CDK12: variants seen among roughly 807,000 people sequenced by gnomAD.
The protein encoded by CDK12 is cyclin dependent kinase 12.
Under a neutral mutation model 133.8 loss-of-function variants are expected in CDK12, and 17 were observed. That is an observed-to-expected ratio of 0.13 (90% CI 0.09 to 0.19). The LOEUF is 0.19. Among genes scored for constraint, CDK12 ranks in the 10% least tolerant of loss-of-function variants. CDK12 has a pLI of 1.00. For missense variants in CDK12, 1,508 were observed against 1,818.7 expected (o/e 0.83, Z 3.11); for synonymous variants, 694 against 683.6 (o/e 1.02, Z -0.24).
chr17:39,517,837 GC>G (rs2146521061), intron 10 of CDK12, among the ~76,000 whole-genome samples: 1 of 152,206 alleles, frequency 6.6e-6, no homozygotes, highest in Non-Finnish European at 1.5e-5. Flanking sequence ...GGAATTGTTG[GC>G]TTCATGGGTT....
In CDK12 at chr17:39,534,450, A is replaced by G. The variant is rs1164959139; in HGVS notation, c.*3134A>G. 4.3e-6 allele frequency: 1 copy of G among 232,586 alleles called. No individual in the cohort carries two copies. Among genetic ancestry groups the G allele is most frequent in the Non-Finnish European group, 8.5e-6 (1 of 117,684 alleles). 14.4% of individuals were successfully genotyped at this position (232,586 alleles called of 1,614,324 possible). On this transcript the variant is annotated 3_prime_UTR_variant, in exon 14 of 14. Coordinates refer to ENST00000447079, the MANE Select transcript of CDK12 (RefSeq NM_016507.4). ...GACCCCCATTGGGTGTATCTTGTCT[A>G]TGTACAGATATTTTGTAATATATTA...
intron 2 of CDK12, among the ~76,000 whole-genome samples, chr17:39,480,996 G>A (rs561595457): frequency 6.6e-6 from 1 of 151,970 alleles, no homozygotes; most frequent in Non-Finnish European, 1.5e-5. Context: ...GATCACGCCT[G>A]TAATCCCAGC....
intron 10 of CDK12, among the ~76,000 whole-genome samples, chr17:39,519,100 A>T (rs2053999473): frequency 6.6e-6 from 1 of 151,538 alleles, no homozygotes; most frequent in Non-Finnish European, 1.5e-5. Context: ...ACGGGGTTTC[A>T]CCATGTTAGC....
rs748867645 is a variant in CDK12 at position 39,462,359 on chromosome 17, C to A, written c.288C>A (p.Asn96Lys). The A allele has an allele frequency of 1.2e-6, 2 of 1,614,172 alleles. No individual in the cohort carries two copies. The highest frequency in any genetic ancestry group is 1.7e-6 in the Non-Finnish European group (2 of 1,180,042). ...DMAFKLDRRE[N>K]DERRGSDRSD... ...CCTTCAAACTAGACCGAAGGGAGAA[C>A]GACGAACGTCGTGGATCAGATCGGA... is the stretch of plus-strand genomic sequence containing the variant. The change falls in exon 1 of 14, where the codon AAC (asparagine) becomes AAA (lysine). Residue 96 changes from asparagine to lysine, a missense_variant. Asn to Lys is a moderately conservative substitution (Grantham distance 94). Transcript: ENST00000447079.
chr17:39,501,253 C>T lies in CDK12; in HGVS notation c.2423C>T (p.Ala808Val). 3 of 1,515,678 alleles carry T rather than the reference C, an allele frequency of 2.0e-6. No homozygotes were observed. Among genetic ancestry groups the T allele is most frequent in the Admixed American group, 2.3e-5 (1 of 42,902 alleles). 93.9% of individuals were successfully genotyped at this position (1,515,678 alleles called of 1,614,324 possible). The change falls in exon 6 of 14, where the codon GCC becomes GTC. Residue 808 changes from alanine (A) to valine (V), a missense_variant. Ala to Val is a moderately conservative substitution (Grantham distance 64). This residue lies in a region of CDK12 where 74 missense variants were observed against 160.2 expected (regional missense o/e 0.46). Coordinates refer to ENST00000447079, the MANE Select transcript of CDK12 (RefSeq NM_016507.4). ...ATTTTTTTTCGTCTTTATGTAGGTG[C>T]CTTTTACCTTGTATTTGAGTATATG... ...DALDFKKDKG[A>V]FYLVFEYMDH...
downstream of CDK12, among the ~76,000 whole-genome samples, chr17:39,537,571 T>G (rs974475656): frequency 6.6e-6 from 1 of 150,678 alleles, no homozygotes; most frequent in Admixed American, 6.6e-5. Context: ...ATTTATTTAT[T>G]TATTTATTTA....
chr17:39,501,158 G>A, intron 5 of CDK12, 92 bp from the exon 6 acceptor site: 1 of 875,036 alleles, frequency 1.1e-6, no homozygotes, highest in South Asian at 2.2e-5. Context: ...AGAACCTGTG[G>A]TCAACTCCAA....
intron 1 of CDK12, among the ~76,000 whole-genome samples, chr17:39,469,306 A>G (rs2049601772): frequency 6.6e-6 from 1 of 152,230 alleles, no homozygotes; most frequent in Non-Finnish European, 1.5e-5. Flanking sequence ...TAATATCTTT[A>G]GGAGTTTCTA....
At chr17:39,465,401 CTT>C (rs55869013) in intron 1 of CDK12, among the ~76,000 whole-genome samples, 89,808 of 147,442 alleles carry the variant, frequency 0.61, 30,531 homozygotes, top group South Asian at 0.89. Context: ...CTGGATTACC[CTT>C]TTTTTTTTTT....
At chr17:39,475,132 A>G (rs967259739) in intron 2 of CDK12, among the ~76,000 whole-genome samples, 1 of 151,954 alleles carries the variant, frequency 6.6e-6, no homozygotes, top group East Asian at 1.9e-4. Context: ...ACTGCACCCA[A>G]CCCAAAATGT....
chr17:39,500,699 A>G (rs146875584), intron 5 of CDK12, among the ~76,000 whole-genome samples: 54 of 151,856 alleles, frequency 3.6e-4, no homozygotes, highest in Non-Finnish European at 7.4e-4. Context: ...AGTAGTCCAT[A>G]TAGTACTAGA....
In CDK12 at chr17:39,534,117, C is replaced by G. The variant is rs1306745665; in HGVS notation, c.*2801C>G. On this transcript the variant is annotated 3_prime_UTR_variant, in exon 14 of 14. Transcript: ENST00000447079. Reference sequence around the variant, plus strand: ...GGTTTTGAAAACAAATATACTTGACCCAGTTTCCTTAGTTTTTTCTTCAAC... The same window carrying G: ...GGTTTTGAAAACAAATATACTTGACGCAGTTTCCTTAGTTTTTTCTTCAAC... 1 of 232,562 alleles carries G rather than the reference C, an allele frequency of 4.3e-6. No homozygotes were observed. Among genetic ancestry groups the G allele is most frequent in the Non-Finnish European group, 8.5e-6 (1 of 117,706 alleles). The allele number at this position is 232,562 out of a possible 1,614,324, so 14.4% of individuals were successfully genotyped here.
intron 13 of CDK12, among the ~76,000 whole-genome samples, chr17:39,529,099 C>T (rs1245457993): frequency 6.6e-6 from 1 of 152,168 alleles, no homozygotes; most frequent in South Asian, 2.1e-4. Flanking sequence ...GGGTACTATA[C>T]ATAGGGTCAC....
rs1490333682 is a variant in CDK12, at chr17:39,531,031, G to A, written c.4188G>A (p.Gln1396=). ...SSSYQGTGSV[Q]FPGDQDLRFA... Reference sequence around the variant, plus strand: ...GTTACCAGGGCACAGGGTCAGTGCAGTTTCCAGGGGACCAGGACCTCCGTT... The same window carrying A: ...GTTACCAGGGCACAGGGTCAGTGCAATTTCCAGGGGACCAGGACCTCCGTT... The change falls in exon 14 of 14, where the codon CAG becomes CAA. Residue 1396 remains glutamine (Q), a synonymous_variant. Transcript: ENST00000447079. 4 of 1,613,988 alleles carry A rather than the reference G, an allele frequency of 2.5e-6. No individual in the cohort carries two copies. The highest frequency in any genetic ancestry group is 3.4e-6 in the Non-Finnish European group (4 of 1,180,010).
chr17:39,492,615 T>C (rs2051725664), intron 3 of CDK12, 136 bp from the exon 4 acceptor site: 3 of 558,754 alleles, frequency 5.4e-6, no homozygotes, highest in Admixed American at 3.5e-5. Flanking sequence ...TTCACCATGT[T>C]AGCCAGGATA....
intron 2 of CDK12, 151 bp from the exon 3 acceptor site, chr17:39,490,406 T>G (rs758194485): frequency 1.9e-6 from 1 of 537,368 alleles, no homozygotes; most frequent in Non-Finnish European, 3.3e-6. Flanking sequence ...TAGTTGTGAT[T>G]AATTATTTTT....
In CDK12 at chr17:39,530,803, C is replaced by A; in HGVS notation, c.3960C>A (p.His1320Gln). The A allele has an allele frequency of 3.1e-6, 5 of 1,614,182 alleles. No individual in the cohort carries two copies. The highest frequency in any genetic ancestry group is 4.2e-6 in the Non-Finnish European group (5 of 1,180,034). Residue 1320 changes from histidine to glutamine, a missense_variant, in exon 14 of 14, where the codon CAC (histidine) becomes CAA (glutamine). By Grantham distance (24) the His-to-Gln change is conservative. Around this residue, in one of 9 missense-constraint regions of CDK12, gnomAD observed 399 missense variants for 469.6 expected, o/e 0.85. Coordinates refer to ENST00000447079, the MANE Select transcript of CDK12 (RefSeq NM_016507.4). ...CTCCTGGCCACCTGCCACATGAGCA[C>A]CAGGCCTTGAGACCAATGGAGTACT... ...AEPPGHLPHE[H>Q]QALRPMEYST... is the part of the protein sequence containing the mutation.
chr17:39,476,719 T>A lies in CDK12; in HGVS notation c.1931+4956T>A, dbSNP rs1386306882. ...TGAGCCACCATGCCTGCCTTTTTTT[T>A]TTTTTTTTTTTTTTTTTTTTTGAGA... On this transcript the variant is annotated intron_variant, in intron 2 of 13. Transcript: ENST00000447079. 2.3e-4 allele frequency among the ~76,000 whole-genome samples: 25 copies of A among 108,822 alleles called. 4 individuals are homozygous for A. In the South Asian group the frequency reaches 2.4e-3, roughly 10 times the overall value. The allele number at this position is 108,822 out of a possible 152,430, so 71.4% of individuals were successfully genotyped here.
chr17:39,557,796 T>C (rs982355189), intron 3 of CDK12, among the ~76,000 whole-genome samples: 1 of 152,176 alleles, frequency 6.6e-6, no homozygotes, highest in Non-Finnish European at 1.5e-5. Context: ...CTAAATGTCA[T>C]GTAGTATGTG....
Sources: allele counts gnomAD v4.1 joint callset (sites outside exome capture counted in the v4.1 genomes callset), GRCh38; gene constraint gnomAD v4.1.1; regional missense constraint gnomAD v4.1.1; transcripts MANE v1.5; gene names NCBI Gene and HGNC (gene_info 2026-07-23, HGNC 2026-07-21).